The following YPEL2 variants were observed in gnomAD, a reference collection of about 807,000 sequenced individuals.
YPEL2 encodes yippee like 2.
Under a neutral mutation model 19.1 loss-of-function variants are expected in YPEL2, and 2 were observed. That is an observed-to-expected ratio of 0.10 (90% CI 0.04 to 0.33). YPEL2 has a LOEUF of 0.33. Ranked by LOEUF, YPEL2 falls within the 10% of genes least tolerant of loss-of-function variation. The pLI, the probability that YPEL2 is intolerant of heterozygous loss-of-function variation, is 1.00. For missense variants in YPEL2, 66 were observed against 140.7 expected (o/e 0.47, Z 2.68); for synonymous variants, 52 against 50.0 (o/e 1.04, Z -0.17).
At chr17:59,388,133 G>A (rs938729853) in intron 2 of YPEL2, among the ~76,000 whole-genome samples, 194 bp from the exon 3 acceptor site, 1 of 152,116 alleles carries the variant, frequency 6.6e-6, no homozygotes, top group African/African-American at 2.4e-5. Context: ...GGGCCAGATC[G>A]AGCTTTGTGG....
rs35976467 is a variant in YPEL2 at position 59,378,347 on chromosome 17, C to CTT, written c.118-9966_118-9965dup. ...ATGGCTTAAGTCCCAGAGTCTCCTC[C>CTT]TTTTTTTTTTTTTTTGAGACAAGTT... On this transcript the variant is annotated intron_variant, in intron 2 of 4. Coordinates refer to ENST00000312655, the MANE Select transcript of YPEL2 (RefSeq NM_001005404.4). Among the ~76,000 whole-genome samples the CTT allele has an allele frequency of 4.7e-3, 667 of 142,080 alleles. 9 individuals are homozygous for CTT. Among genetic ancestry groups the CTT allele is most frequent in the African/African-American group, 0.016 (615 of 37,924 alleles). The allele number at this position is 142,080 out of a possible 152,430, so 93.2% of individuals were successfully genotyped here.
At chr17:59,342,279 A>G (rs1168320735) in intron 1 of YPEL2, among the ~76,000 whole-genome samples, 1 of 152,228 alleles carries the variant, frequency 6.6e-6, no homozygotes, top group Non-Finnish European at 1.5e-5. Context: ...CCCAAAGTCT[A>G]CAACACATTC....
At chr17:59,340,211 C>T (rs1242438218) in intron 1 of YPEL2, among the ~76,000 whole-genome samples, 2 of 151,700 alleles carry the variant, frequency 1.3e-5, no homozygotes, top group East Asian at 1.9e-4. Flanking sequence ...CAGGTTCAAG[C>T]GATCGTCCTG....
chr17:59,391,442 T>C (rs2048007122), intron 4 of YPEL2, among the ~76,000 whole-genome samples: 1 of 151,972 alleles, frequency 6.6e-6, no homozygotes, highest in South Asian at 2.1e-4. Flanking sequence ...TACACACATA[T>C]AAAATAATGT....
At chr17:59,396,705 G>A (rs939772395) in intron 4 of YPEL2, among the ~76,000 whole-genome samples, 2 of 152,198 alleles carry the variant, frequency 1.3e-5, no homozygotes, top group Non-Finnish European at 2.9e-5. Flanking sequence ...GCTGATACCT[G>A]TCATCTGCCC....
At chr17:59,343,345 C>G (rs2047740930) in intron 1 of YPEL2, among the ~76,000 whole-genome samples, 1 of 152,104 alleles carries the variant, frequency 6.6e-6, no homozygotes, top group Admixed American at 6.5e-5. Context: ...GCTGTGAGTC[C>G]TGTAGACACT....
At chr17:59,390,852 A>ATT (rs796535935) in intron 4 of YPEL2, among the ~76,000 whole-genome samples, 4 of 152,256 alleles carry the variant, frequency 2.6e-5, no homozygotes, top group African/African-American at 9.6e-5. Flanking sequence ...TCCATGACTT[A>ATT]TTTGTCTGTG....
intron 4 of YPEL2, among the ~76,000 whole-genome samples, chr17:59,395,385 A>G (rs772399983): frequency 3.3e-5 from 5 of 152,118 alleles, no homozygotes; most frequent in Admixed American, 6.6e-5. Context: ...ATTCCTTACT[A>G]ATTCTGGGGG....
At chr17:59,388,449 A>C in intron 3 of YPEL2, 79 bp downstream of exon 3, 2 of 1,409,088 alleles carry the variant, frequency 1.4e-6, no homozygotes, top group Non-Finnish European at 2.0e-6. Flanking sequence ...GTGATAATTA[A>C]ACAATGAACC....
chr17:59,366,876 G>GA (rs1382127450), intron 2 of YPEL2, among the ~76,000 whole-genome samples: 1 of 152,110 alleles, frequency 6.6e-6, no homozygotes, highest in Non-Finnish European at 1.5e-5. Context: ...GAGAAAAAAA[G>GA]AAAAAACACA....
intron 2 of YPEL2, among the ~76,000 whole-genome samples, chr17:59,359,138 G>A (rs1410178337): frequency 6.6e-6 from 1 of 151,916 alleles, no homozygotes; most frequent in Non-Finnish European, 1.5e-5. Flanking sequence ...TGGCCAGGCT[G>A]GTCTCAAACT....
chr17:59,388,482 A>G, intron 3 of YPEL2, 112 bp downstream of exon 3: 1 of 1,087,192 alleles, frequency 9.2e-7, no homozygotes, highest in Non-Finnish European at 1.4e-6. Flanking sequence ...CCACAGTAAA[A>G]CTCTGTGGAG....
chr17:59,353,813 G>C lies in YPEL2; in HGVS notation c.117+287G>C. 2.5e-6 allele frequency: 1 copy of C among 405,152 alleles called. No homozygotes were observed. Among genetic ancestry groups the C allele is most frequent in the Non-Finnish European group, 4.7e-6 (1 of 212,620 alleles). The allele number at this position is 405,152 out of a possible 1,614,324, so 25.1% of individuals were successfully genotyped here. ...GGGGCTGGGGATTGATGGGAGCCTT[G>C]TTCTCAGCTTGCTTGGTTTAGGTTG... is the stretch of plus-strand genomic sequence containing the variant. On this transcript the variant is annotated intron_variant, in intron 2 of 4. Coordinates refer to ENST00000312655, the MANE Select transcript of YPEL2 (RefSeq NM_001005404.4). The surrounding 1 kb of genome is among the most constrained non-coding windows in gnomAD (Gnocchi z 4.8).
At chr17:59,340,711 A>G (rs139366310) in intron 1 of YPEL2, among the ~76,000 whole-genome samples, 6,665 of 142,354 alleles carry the variant, frequency 0.047, 515 homozygotes, top group African/African-American at 0.16. Flanking sequence ...CACCGCACCC[A>G]GCCGAACTTT....
At chr17:59,337,678 CTATG>C (rs2047706758) in intron 1 of YPEL2, among the ~76,000 whole-genome samples, 1 of 152,094 alleles carries the variant, frequency 6.6e-6, no homozygotes, top group Non-Finnish European at 1.5e-5. Flanking sequence ...ATTTTAGTGA[CTATG>C]TAGGGCCCTG....
chr17:59,351,306 C>T (rs1450686962), intron 1 of YPEL2, among the ~76,000 whole-genome samples: 2 of 151,932 alleles, frequency 1.3e-5, no homozygotes, highest in Non-Finnish European at 2.9e-5. Flanking sequence ...ACCCGGGAGG[C>T]GGAGGTTGCC....
intron 2 of YPEL2, among the ~76,000 whole-genome samples, chr17:59,379,020 C>T (rs777777836): frequency 6.6e-6 from 1 of 152,174 alleles, no homozygotes; most frequent in Admixed American, 6.5e-5. Flanking sequence ...ATGTGGAAGA[C>T]GAATAGAGTC....
At position 59,397,205 on chromosome 17, in the gene YPEL2, C is replaced by T; in HGVS notation, c.*15C>T. 1 of 1,581,576 alleles carries T rather than the reference C, an allele frequency of 6.3e-7. No individual in the cohort carries two copies. The highest frequency in any genetic ancestry group is 8.6e-7 in the Non-Finnish European group (1 of 1,162,852). The stretch of plus-strand genomic sequence containing the variant: ...GCTGGGACTGATTGGACAGCATCTA[C>T]CCAACCCAGTGTCCACGTGAACGCC... On this transcript the variant is annotated 3_prime_UTR_variant, in exon 5 of 5. Transcript: ENST00000312655.
intron 1 of YPEL2, among the ~76,000 whole-genome samples, chr17:59,347,484 G>T (rs1402562911): frequency 6.6e-6 from 1 of 152,124 alleles, no homozygotes; most frequent in Non-Finnish European, 1.5e-5. Flanking sequence ...TAAGAGTGAT[G>T]ACGTGGTCAG....
Sources: allele counts gnomAD v4.1 joint callset (sites outside exome capture counted in the v4.1 genomes callset), GRCh38; gene constraint gnomAD v4.1.1; non-coding constraint Gnocchi (gnomAD v3.1); transcripts MANE v1.5; gene names NCBI Gene and HGNC (gene_info 2026-07-23, HGNC 2026-07-21).